The following COL7A1 variants were observed in gnomAD, a reference collection of about 807,000 sequenced individuals.
COL7A1 encodes the protein collagen type VII alpha 1 chain.
Under a neutral mutation model 456.2 loss-of-function variants are expected in COL7A1, and 296 were observed. That is an observed-to-expected ratio of 0.65 (90% CI 0.59 to 0.71). COL7A1 has a LOEUF of 0.71. COL7A1 is among the 30% of genes least tolerant of loss of function. The probability of loss-of-function intolerance (pLI) is 0.00; values close to 1 mark genes in which losing one functional copy is unlikely to be tolerated. For missense variants in COL7A1, 3,441 were observed against 4,017.2 expected (o/e 0.86, Z 3.88); for synonymous variants, 1,464 against 1,525.9 (o/e 0.96, Z 0.95).
chr3:48,592,005 A>G lies in COL7A1; in HGVS notation c.1250T>C (p.Val417Ala). 1.2e-6 allele frequency: 2 copies of G among 1,614,160 alleles called. No homozygotes were observed. The highest frequency in any genetic ancestry group is 1.7e-6 in the Non-Finnish European group (2 of 1,180,026). The change falls in exon 11 of 119, where the codon GTT (valine) becomes GCT (alanine). Residue 417 changes from valine to alanine, a missense_variant. Transcript: ENST00000681320. The surrounding 1 kb of genome is among the most constrained non-coding windows in gnomAD (Gnocchi z 7.6). ...GATGACCGGGCGCAGGGTCTGCTCA[A>G]CAGAAGCGTCTGCCCAGGGCACATG... ...TSLMARTDASVEQTLRPVILG... is the reference protein window; with the variant it reads ...TSLMARTDASAEQTLRPVILG...
At position 48,565,572 on chromosome 3, in the gene COL7A1, C is replaced by A; in HGVS notation, c.8440+64G>T. ...ATCCCAGCCAACCCCCCTGAGAGGACCCCAGTTGATAGGCAGGGCAGGGCC... is the reference window on the plus strand; with the variant it reads ...ATCCCAGCCAACCCCCCTGAGAGGAACCCAGTTGATAGGCAGGGCAGGGCC... On this transcript the variant is annotated intron_variant, in intron 115 of 118. Coordinates refer to ENST00000681320, the MANE Select transcript of COL7A1 (RefSeq NM_000094.4). This position sits in a 1 kb window ranked among gnomAD's most constrained non-coding sequence, Gnocchi z 4.5. 1 of 1,614,024 alleles carries A rather than the reference C, an allele frequency of 6.2e-7. No individual in the cohort carries two copies. Among genetic ancestry groups the A allele is most frequent in the South Asian group, 1.1e-5 (1 of 91,066 alleles).
In COL7A1 at chr3:48,579,329, A is replaced by G; in HGVS notation, c.5307+40T>C. ...CACCAAGGCTGAGGTGGATCTGATAACCCAGGCTCATGTCCTGAGAAACCC... is the reference window on the plus strand; with the variant it reads ...CACCAAGGCTGAGGTGGATCTGATAGCCCAGGCTCATGTCCTGAGAAACCC... On this transcript the variant is annotated intron_variant, in intron 61 of 118. Coordinates refer to ENST00000681320, the MANE Select transcript of COL7A1 (RefSeq NM_000094.4). The surrounding 1 kb of genome is among the most constrained non-coding windows in gnomAD (Gnocchi z 4.4). 1 of 1,614,084 alleles carries G rather than the reference A, an allele frequency of 6.2e-7. No homozygotes were observed. The highest frequency in any genetic ancestry group is 1.7e-5 in the Admixed American group (1 of 60,026).
chr3:48,587,660 A>C lies in COL7A1; in HGVS notation c.2858-106T>G, dbSNP rs1425720668. 1.2e-6 allele frequency: 2 copies of C among 1,600,638 alleles called. No individual in the cohort carries two copies. The highest frequency in any genetic ancestry group is 1.7e-6 in the Non-Finnish European group (2 of 1,169,166). On this transcript the variant is annotated intron_variant, in intron 22 of 118. Transcript: ENST00000681320. This position sits in a 1 kb window ranked among gnomAD's most constrained non-coding sequence, Gnocchi z 6.1. ...GTTTGTCTTATTGAAGCATCATGGG[A>C]GGTCATGCTGGGGTCACCCAGGGTC... is the stretch of plus-strand genomic sequence containing the variant.
rs2044246481 is a variant in COL7A1, at chr3:48,575,642, C to A, written c.5963G>T (p.Gly1988Val). The A allele has an allele frequency of 6.2e-7, 1 of 1,613,442 alleles. No individual in the cohort carries two copies. Among genetic ancestry groups the A allele is most frequent in the Non-Finnish European group, 8.5e-7 (1 of 1,180,028 alleles). Residue 1988 changes from glycine to valine, a missense_variant, in exon 73 of 119, where the codon GGC (glycine) becomes GTC (valine). Around this residue, in one of 3 missense-constraint regions of COL7A1, gnomAD observed 2,084 missense variants for 2,501.3 expected, o/e 0.83. Transcript: ENST00000681320. The surrounding 1 kb of genome is among the most constrained non-coding windows in gnomAD (Gnocchi z 6.3). ...RGPKGDSGEQGPPGKEGPIGF... is the reference protein window; with the variant it reads ...RGPKGDSGEQVPPGKEGPIGF... ...TCTGCTCACCTCCTTGCCTGGGGGGCCCTGTTCGCCTGAGTCCCCCTTGGG... is the reference window on the plus strand; with the variant it reads ...TCTGCTCACCTCCTTGCCTGGGGGGACCTGTTCGCCTGAGTCCCCCTTGGG...
rs1172546829 is a variant in COL7A1, at chr3:48,564,189, C to G, written c.*217G>C. On this transcript the variant is annotated 3_prime_UTR_variant, in exon 119 of 119. Transcript: ENST00000681320. The surrounding 1 kb of genome is among the most constrained non-coding windows in gnomAD (Gnocchi z 6.0). The stretch of plus-strand genomic sequence containing the variant: ...CCGCTCACTGCCCACAGCCACCCCC[C>G]CACAGTGAGTCATCTGCCAGGGTGG... 2 of 644,682 alleles carry G rather than the reference C, an allele frequency of 3.1e-6. No individual in the cohort carries two copies. Among genetic ancestry groups the G allele is most frequent in the Admixed American group, 4.3e-5 (2 of 46,150 alleles). The allele number at this position is 644,682 out of a possible 1,614,324, so 39.9% of individuals were successfully genotyped here.
chr3:48,584,454 C>T (rs1391305263), intron 36 of COL7A1, 31 bp downstream of exon 36: 6 of 1,613,752 alleles, frequency 3.7e-6, no homozygotes, highest in East Asian at 4.5e-5. Context: ...CCCCACTACA[C>T]ATCACTTGCC....
Position 48,585,811 on chromosome 3 carries a change from C to T in COL7A1, c.3786+19G>A, listed in dbSNP as rs751568299. ...GACACTCAACCCATTCTCTATTCCC[C>T]GCCCGCAGGGGCACTCACCATCTCT... On this transcript the variant is annotated intron_variant, in intron 30 of 118. Transcript: ENST00000681320. The surrounding 1 kb of genome is among the most constrained non-coding windows in gnomAD (Gnocchi z 4.5). 32 of 1,613,980 alleles carry T rather than the reference C, an allele frequency of 2.0e-5. No homozygotes were observed. Among genetic ancestry groups the T allele is most frequent in the East Asian group, 2.2e-5 (1 of 44,890 alleles).
Position 48,573,611 on chromosome 3 carries a change from G to GGCCT in COL7A1, c.6574-58_6574-55dup, listed in dbSNP as rs1379006130. On this transcript the variant is annotated intron_variant, in intron 82 of 118. Transcript: ENST00000681320. This position sits in a 1 kb window ranked among gnomAD's most constrained non-coding sequence, Gnocchi z 5.5. ...AGGGCTCAGGGATTAACACAGAGAAGGCCTGGCTCATCAGCTGTGGCCAAT... is the reference window on the plus strand; with the variant it reads ...AGGGCTCAGGGATTAACACAGAGAAGGCCTGCCTGGCTCATCAGCTGTGGCCAAT... 26 of 1,613,590 alleles carry GGCCT rather than the reference G, an allele frequency of 1.6e-5. No homozygotes were observed. Among genetic ancestry groups the GGCCT allele is most frequent in the South Asian group, 5.5e-5 (5 of 91,086 alleles).
Position 48,594,986 on chromosome 3 carries a change from G to C in COL7A1, c.85+89C>G. 9.2e-7 allele frequency: 1 copy of C among 1,084,982 alleles called. No individual in the cohort carries two copies. The highest frequency in any genetic ancestry group is 1.4e-5 in the South Asian group (1 of 72,418). The allele number at this position is 1,084,982 out of a possible 1,614,324, so 67.2% of individuals were successfully genotyped here. On this transcript the variant is annotated intron_variant, in intron 2 of 118. Coordinates refer to ENST00000681320, the MANE Select transcript of COL7A1 (RefSeq NM_000094.4). The surrounding 1 kb of genome is among the most constrained non-coding windows in gnomAD (Gnocchi z 5.5). ...GGCGTCGTGGAGTTGGCTGGGTTGT[G>C]GGCGGGGGGTGTTGGGGATGAAGGC... is the stretch of plus-strand genomic sequence containing the variant.
chr3:48,566,953 G>T lies in COL7A1; in HGVS notation c.8180C>A (p.Pro2727His). 1 of 1,611,406 alleles carries T rather than the reference G, an allele frequency of 6.2e-7. No homozygotes were observed. Among genetic ancestry groups the T allele is most frequent in the South Asian group, 1.1e-5 (1 of 90,966 alleles). Residue 2727 changes from proline to histidine, a missense_variant, in exon 111 of 119, where the codon CCT (proline) becomes CAT (histidine). This residue lies in a region of COL7A1 where 2,084 missense variants were observed against 2,501.3 expected (regional missense o/e 0.83). Coordinates refer to ENST00000681320, the MANE Select transcript of COL7A1 (RefSeq NM_000094.4). This position sits in a 1 kb window ranked among gnomAD's most constrained non-coding sequence, Gnocchi z 5.9. The stretch of plus-strand genomic sequence containing the variant: ...GGGGCCTCTGGGACCAACACTGCCA[G>T]GTGGCCCTGGGGGACCAGCAGAGCC... ...NDGSAGPPGPPGSVGPRGPEG... is the reference protein window; with the variant it reads ...NDGSAGPPGPHGSVGPRGPEG...
chr3:48,586,950 T>C lies in COL7A1; in HGVS notation c.3276+22A>G. 1 of 1,575,582 alleles carries C rather than the reference T, an allele frequency of 6.3e-7. No individual in the cohort carries two copies. Among genetic ancestry groups the C allele is most frequent in the Non-Finnish European group, 8.6e-7 (1 of 1,160,626 alleles). ...TGGGGGGCCTCAGGGAGAGGTAGAA[T>C]CTGGCTGCCCCAGGGCCAAACCTGA... On this transcript the variant is annotated intron_variant, in intron 25 of 118. Coordinates refer to ENST00000681320, the MANE Select transcript of COL7A1 (RefSeq NM_000094.4). The surrounding 1 kb of genome is among the most constrained non-coding windows in gnomAD (Gnocchi z 5.1).
At position 48,565,288 on chromosome 3, in the gene COL7A1, G is replaced by T. The variant is rs2043551878; in HGVS notation, c.8528-87C>A. On this transcript the variant is annotated intron_variant, in intron 116 of 118. Transcript: ENST00000681320. The surrounding 1 kb of genome is among the most constrained non-coding windows in gnomAD (Gnocchi z 4.5). ...CACTGATTTCCACTGTGTGCACACA[G>T]TGCCCATGCGTGTGCCCTGCATGCA... is the stretch of plus-strand genomic sequence containing the variant. The T allele has an allele frequency of 6.7e-7, 1 of 1,483,276 alleles. No individual in the cohort carries two copies. The highest frequency in any genetic ancestry group is 1.4e-5 in the African/African-American group (1 of 72,160). The allele number at this position is 1,483,276 out of a possible 1,614,324, so 91.9% of individuals were successfully genotyped here.
Position 48,588,613 on chromosome 3 carries a change from C to A in COL7A1, c.2587+29G>T, listed in dbSNP as rs769815094. 7 of 1,613,760 alleles carry A rather than the reference C, an allele frequency of 4.3e-6. No individual in the cohort carries two copies. The highest frequency in any genetic ancestry group is 5.9e-6 in the Non-Finnish European group (7 of 1,180,044). ...CCCCAAACCATCCACACCACCCATC[C>A]GAAGCTCTCCAGCGCATGCTCTGCC... On this transcript the variant is annotated intron_variant, in intron 20 of 118. Transcript: ENST00000681320. The surrounding 1 kb of genome is among the most constrained non-coding windows in gnomAD (Gnocchi z 4.6).
chr3:48,582,093 G>T, intron 47 of COL7A1, 150 bp from the exon 48 acceptor site: 1 of 1,336,770 alleles, frequency 7.5e-7, no homozygotes, highest in Non-Finnish European at 1.1e-6. Flanking sequence ...GCAGGGAAGG[G>T]GTTATACAAA....
rs1172155057 is a variant in COL7A1, at chr3:48,564,393, C to T, written c.*13G>A. The T allele has an allele frequency of 3.7e-6, 6 of 1,613,964 alleles. No homozygotes were observed. The highest frequency in any genetic ancestry group is 4.5e-5 in the East Asian group (2 of 44,896). On this transcript the variant is annotated 3_prime_UTR_variant, in exon 119 of 119. Coordinates refer to ENST00000681320, the MANE Select transcript of COL7A1 (RefSeq NM_000094.4). This position sits in a 1 kb window ranked among gnomAD's most constrained non-coding sequence, Gnocchi z 6.0. ...CTCCAGGGGATGCTGAATCTCAGCT[C>T]ATTATCTGGGCCTCAGTCCTGGGCA...
Position 48,565,702 on chromosome 3 carries a change from A to G in COL7A1, c.8408-34T>C, listed in dbSNP as rs2043575869. The G allele has an allele frequency of 6.3e-7, 1 of 1,594,548 alleles. No homozygotes were observed. Among genetic ancestry groups the G allele is most frequent in the Non-Finnish European group, 8.6e-7 (1 of 1,168,008 alleles). The stretch of plus-strand genomic sequence containing the variant: ...GGCAGAGAGGGATAGAGAGACAATG[A>G]CAGAGAGAAGGATGGGAAGATGGAG... On this transcript the variant is annotated intron_variant, in intron 114 of 118. Coordinates refer to ENST00000681320, the MANE Select transcript of COL7A1 (RefSeq NM_000094.4). The surrounding 1 kb of genome is among the most constrained non-coding windows in gnomAD (Gnocchi z 4.5).
At position 48,569,268 on chromosome 3, in the gene COL7A1, A is replaced by G. The variant is rs13060933; in HGVS notation, c.7686+107T>C. ...GTCAGCCACAGAACCCCTTCCCCCT[A>G]AACCCCAGAAAGCCTCCTCCTGTCC... On this transcript the variant is annotated intron_variant, in intron 103 of 118. Coordinates refer to ENST00000681320, the MANE Select transcript of COL7A1 (RefSeq NM_000094.4). This position sits in a 1 kb window ranked among gnomAD's most constrained non-coding sequence, Gnocchi z 4.9. The G allele has an allele frequency of 0.042, 58,080 of 1,381,874 alleles. 2,086 individuals are homozygous for G. The highest frequency in any genetic ancestry group is 0.17 in the African/African-American group (11,783 of 69,980). The allele number at this position is 1,381,874 out of a possible 1,614,324, so 85.6% of individuals were successfully genotyped here.
In COL7A1 at chr3:48,572,941, C is replaced by G. The variant is rs121912834; in HGVS notation, c.6752G>C (p.Gly2251Ala). The G allele has an allele frequency of 6.2e-7, 1 of 1,614,022 alleles. No homozygotes were observed. The change falls in exon 87 of 119, where the codon GGG (glycine) becomes GCG (alanine). Residue 2251 changes from glycine (G) to alanine (A), a missense_variant and splice_region_variant. By Grantham distance (60) the Gly-to-Ala change is moderately conservative. This residue lies in a region of COL7A1 where 2,084 missense variants were observed against 2,501.3 expected (regional missense o/e 0.83). Coordinates refer to ENST00000681320, the MANE Select transcript of COL7A1 (RefSeq NM_000094.4). This position sits in a 1 kb window ranked among gnomAD's most constrained non-coding sequence, Gnocchi z 4.6. Reference sequence around the variant, plus strand: ...TGGGGCTCCCGGCTTCCCTGTCTCCCCCTGAGAGGGAAGAGCTCTGTCAGG... The same window carrying G: ...TGGGGCTCCCGGCTTCCCTGTCTCCGCCTGAGAGGGAAGAGCTCTGTCAGG... ...QGSPGLPGQVGETGKPGAPGR... is the reference protein window; with the variant it reads ...QGSPGLPGQVAETGKPGAPGR...
In COL7A1 at chr3:48,566,885, A is replaced by G. The variant is rs1252495114; in HGVS notation, c.8226+22T>C. On this transcript the variant is annotated intron_variant, in intron 111 of 118. Transcript: ENST00000681320. This position sits in a 1 kb window ranked among gnomAD's most constrained non-coding sequence, Gnocchi z 5.9. ...GGGTAGGGAAGGTTCAGGGATCAGG[A>G]GTCAGAGCTGGGGCCCCTTACCTTC... is the stretch of plus-strand genomic sequence containing the variant. 1 of 1,582,336 alleles carries G rather than the reference A, an allele frequency of 6.3e-7. No homozygotes were observed.
Sources: allele counts gnomAD v4.1 joint callset, GRCh38; gene constraint gnomAD v4.1.1; regional missense constraint gnomAD v4.1.1; non-coding constraint Gnocchi (gnomAD v3.1); transcripts MANE v1.5; gene names NCBI Gene and HGNC (gene_info 2026-07-23, HGNC 2026-07-21).